Variants in C9orf85 observed in about 807,000 individuals in gnomAD.
The protein encoded by C9orf85 is uncharacterized protein C9orf85.
A neutral mutation model predicts 14.9 loss-of-function variants in C9orf85; 16 were observed. The ratio of observed to expected loss-of-function variants is 1.08; its 90% confidence interval spans 0.73 to 1.63. C9orf85 has a LOEUF of 1.63. Among genes scored for constraint, C9orf85 ranks in the 40% most tolerant of loss-of-function variants. The probability of loss-of-function intolerance (pLI) is 0.00; values close to 1 mark genes in which losing one functional copy is unlikely to be tolerated. For synonymous variants in C9orf85, 45 were observed against 56.8 expected (o/e 0.79, Z 0.93); for missense variants, 172 against 186.1 (o/e 0.92, Z 0.44).
intron 2 of C9orf85, among the ~76,000 whole-genome samples, chr9:71,953,708 A>AC (rs1249467516): frequency 6.6e-6 from 1 of 152,160 alleles, no homozygotes. Context: ...TTGAATAAGT[A>AC]AATTCTCCTC....
chr9:71,932,496 G>A (rs894697308), intron 1 of C9orf85, among the ~76,000 whole-genome samples: 5 of 152,124 alleles, frequency 3.3e-5, no homozygotes, highest in African/African-American at 9.7e-5. Flanking sequence ...ATTGAGAACT[G>A]GCTTAACAGT....
chr9:71,956,242 GTTTT>G (rs60432625), intron 2 of C9orf85, among the ~76,000 whole-genome samples: 5 of 51,022 alleles, frequency 9.8e-5, no homozygotes, highest in African/African-American at 2.8e-4. Context: ...GAATGCAAAA[GTTTT>G]TTTTTTTTTT....
At position 71,941,378 on chromosome 9, in the gene C9orf85, A is replaced by C. The variant is rs1589256071; in HGVS notation, c.103-5628A>C. 2.0e-5 allele frequency among the ~76,000 whole-genome samples: 3 copies of C among 152,330 alleles called. No homozygotes were observed. In the South Asian group the frequency reaches 6.2e-4, roughly 32 times the overall value. On this transcript the variant is annotated intron_variant, in intron 1 of 3. Transcript: ENST00000334731. ...TCAAATTCAGCATTGCTGACAAGGC[A>C]AGAACTGGACAGTATGTGCCTCCTG... is the stretch of plus-strand genomic sequence containing the variant.
intron 2 of C9orf85, among the ~76,000 whole-genome samples, chr9:71,948,815 C>T (rs1051770103): frequency 6.2e-4 from 2 of 3,208 alleles, no homozygotes; most frequent in Admixed American, 5.6e-3. Flanking sequence ...TGAGCCACGC[C>T]CCCCCCCCCC....
chr9:71,911,842 A>G lies in C9orf85; in HGVS notation c.102+6A>G, dbSNP rs201694072. 3 of 1,612,744 alleles carry G rather than the reference A, an allele frequency of 1.9e-6. No individual in the cohort carries two copies. Among genetic ancestry groups the G allele is most frequent in the East Asian group, 4.5e-5 (2 of 44,886 alleles). The stretch of plus-strand genomic sequence containing the variant: ...ATAAAAGTGTGCAGACCAAGGTAGG[A>G]ACCTGCCTGTTGCACCGTCTTTGAC... On this transcript the variant is annotated splice_donor_region_variant and intron_variant, in intron 1 of 3. Coordinates refer to ENST00000334731, the MANE Select transcript of C9orf85 (RefSeq NM_182505.5).
At chr9:71,945,500 T>G (rs1428031637) in intron 1 of C9orf85, among the ~76,000 whole-genome samples, 1 of 152,154 alleles carries the variant, frequency 6.6e-6, no homozygotes, top group Non-Finnish European at 1.5e-5. Context: ...TTAAACATAA[T>G]ATATTCACAC....
chr9:71,976,173 C>T (rs1257412873), downstream of C9orf85, among the ~76,000 whole-genome samples: 2 of 152,174 alleles, frequency 1.3e-5, no homozygotes, highest in African/African-American at 2.4e-5. Flanking sequence ...CTGTTTGTAT[C>T]ATAACATACA....
chr9:71,949,194 A>C (rs112345804), intron 2 of C9orf85, among the ~76,000 whole-genome samples: 3,817 of 152,314 alleles, frequency 0.025, 55 homozygotes, highest in Admixed American at 0.043. Flanking sequence ...AAGAATTTGA[A>C]GTGTAGGCAA....
At chr9:71,964,104 C>T (rs561975825) in intron 2 of C9orf85, among the ~76,000 whole-genome samples, 1 of 152,164 alleles carries the variant, frequency 6.6e-6, no homozygotes, top group African/African-American at 2.4e-5. Context: ...ATGCACCAAT[C>T]GACACTGTAT....
intron 1 of C9orf85, among the ~76,000 whole-genome samples, chr9:71,921,459 C>T (rs1364190257): frequency 6.6e-6 from 1 of 152,232 alleles, no homozygotes; most frequent in Non-Finnish European, 1.5e-5. Context: ...ATCTTTGAAT[C>T]CACATATGAT....
At chr9:71,943,968 G>T (rs987307952) in intron 1 of C9orf85, among the ~76,000 whole-genome samples, 6 of 148,706 alleles carry the variant, frequency 4.0e-5, no homozygotes, top group Middle Eastern at 3.2e-3. Flanking sequence ...GGGTGCGGTG[G>T]CTCACGCCTA....
intron 1 of C9orf85, among the ~76,000 whole-genome samples, chr9:71,932,880 G>C (rs1422191966): frequency 6.6e-6 from 1 of 151,984 alleles, no homozygotes; most frequent in African/African-American, 2.4e-5. Context: ...AGAGAGTCAA[G>C]AAAATGATAT....
At chr9:71,929,697 C>T (rs1236451548) in intron 1 of C9orf85, among the ~76,000 whole-genome samples, 1 of 151,626 alleles carries the variant, frequency 6.6e-6, no homozygotes, top group Non-Finnish European at 1.5e-5. Flanking sequence ...CATGTTTGGC[C>T]TTATTTACAA....
intron 2 of C9orf85, among the ~76,000 whole-genome samples, chr9:71,949,707 G>A (rs1822197048): frequency 6.6e-6 from 1 of 152,182 alleles, no homozygotes; most frequent in Admixed American, 6.5e-5. Context: ...TAGGTTTGAT[G>A]GGAGTGGAAA....
intron 1 of C9orf85, among the ~76,000 whole-genome samples, chr9:71,917,899 A>G (rs1241532307): frequency 6.6e-6 from 1 of 152,140 alleles, no homozygotes; most frequent in Non-Finnish European, 1.5e-5. Context: ...GAAAACCAAG[A>G]AGGCTGGGCA....
intron 1 of C9orf85, among the ~76,000 whole-genome samples, chr9:71,929,626 C>G (rs1208525837): frequency 2.0e-5 from 3 of 151,854 alleles, no homozygotes; most frequent in Non-Finnish European, 4.4e-5. Flanking sequence ...TTTCCAACTT[C>G]GAAATTTTGT....
intron 1 of C9orf85, among the ~76,000 whole-genome samples, chr9:71,937,903 C>T (rs1274836529): frequency 6.6e-6 from 1 of 152,058 alleles, no homozygotes; most frequent in African/African-American, 2.4e-5. Flanking sequence ...TGATTTCTCT[C>T]TAATTAGCTA....
At chr9:71,954,999 A>T (rs1030312317) in intron 2 of C9orf85, among the ~76,000 whole-genome samples, 2 of 152,190 alleles carry the variant, frequency 1.3e-5, no homozygotes, top group Non-Finnish European at 2.9e-5. Context: ...ATATTTTATT[A>T]ACCAACCCCT....
intron 2 of C9orf85, among the ~76,000 whole-genome samples, chr9:71,955,091 T>C (rs183709082): frequency 6.6e-6 from 1 of 152,318 alleles, no homozygotes; most frequent in African/African-American, 2.4e-5. Context: ...ACTGTCCTCA[T>C]TTTTCAATGA....
Sources: allele counts gnomAD v4.1 joint callset (sites outside exome capture counted in the v4.1 genomes callset), GRCh38; gene constraint gnomAD v4.1.1; transcripts MANE v1.5; gene names NCBI Gene and HGNC (gene_info 2026-07-23, HGNC 2026-07-21).